GALNT1: variants seen among roughly 807,000 people sequenced by gnomAD.
GALNT1 encodes GalNAc transferase 1.
Under a neutral mutation model 65.7 loss-of-function variants are expected in GALNT1, and 17 were observed. The ratio of observed to expected loss-of-function variants is 0.26; its 90% CI spans 0.18 to 0.39. GALNT1 has a LOEUF of 0.39. Ranked by LOEUF, GALNT1 falls within the 10% of genes least tolerant of loss-of-function variation. GALNT1 has a pLI of 1.00. For missense variants in GALNT1, 460 were observed against 672.8 expected (o/e 0.68, Z 3.50); for synonymous variants, 210 against 219.7 (o/e 0.96, Z 0.39).
chr18:35,620,764 G>T (rs181616686), intron 1 of GALNT1, among the ~76,000 whole-genome samples: 1 of 148,626 alleles, frequency 6.7e-6, no homozygotes, highest in East Asian at 2.0e-4. Flanking sequence ...TAGTTCATGT[G>T]TACATTTAGG....
intron 1 of GALNT1, among the ~76,000 whole-genome samples, chr18:35,646,823 G>T (rs954613053): frequency 2.6e-5 from 4 of 152,158 alleles, no homozygotes; most frequent in East Asian, 3.8e-4. Flanking sequence ...TCTCCTTTGA[G>T]CCCTGTGTAT....
intron 1 of GALNT1, among the ~76,000 whole-genome samples, chr18:35,610,929 T>C (rs2046708513): frequency 6.6e-6 from 1 of 152,138 alleles, no homozygotes; most frequent in South Asian, 2.1e-4. Flanking sequence ...ATGTAGCCTC[T>C]GGACCTCAGC....
At chr18:35,700,080 T>TAGTC (rs754516206) in intron 9 of GALNT1, among the ~76,000 whole-genome samples, 14 of 152,138 alleles carry the variant, frequency 9.2e-5, no homozygotes, top group Non-Finnish European at 1.3e-4. Flanking sequence ...ACTTACCCCA[T>TAGTC]AGTCAACCTA....
chr18:35,665,459 A>C (rs2047536424), intron 3 of GALNT1, among the ~76,000 whole-genome samples: 1 of 152,164 alleles, frequency 6.6e-6, no homozygotes, highest in South Asian at 2.1e-4. Context: ...TTATCCACAA[A>C]ATTTTCCATA....
intron 1 of GALNT1, among the ~76,000 whole-genome samples, chr18:35,623,299 T>C (rs745430618): frequency 9.9e-5 from 15 of 152,170 alleles, no homozygotes; most frequent in Non-Finnish European, 4.4e-5. Flanking sequence ...TCCTTTTTTT[T>C]TCCCCTGTAC....
At chr18:35,701,453 C>T (rs2048162460) in intron 9 of GALNT1, among the ~76,000 whole-genome samples, 1 of 152,242 alleles carries the variant, frequency 6.6e-6, no homozygotes, top group East Asian at 1.9e-4. Context: ...GGAAGGTGTG[C>T]TTTATGCAAA....
intron 1 of GALNT1, among the ~76,000 whole-genome samples, chr18:35,632,861 A>AG (rs1424330227): frequency 6.6e-6 from 1 of 152,116 alleles, no homozygotes; most frequent in African/African-American, 2.4e-5. Flanking sequence ...CAAGAAAAAA[A>AG]CAAACCCATC....
At chr18:35,699,645 C>T (rs2048122626) in intron 9 of GALNT1, among the ~76,000 whole-genome samples, 1 of 152,344 alleles carries the variant, frequency 6.6e-6, no homozygotes, top group African/African-American at 2.4e-5. Context: ...TACCCCTTAT[C>T]AGAAGGTTCT....
At chr18:35,709,177 T>G (rs1175962552) in intron 11 of GALNT1, among the ~76,000 whole-genome samples, 1 of 152,224 alleles carries the variant, frequency 6.6e-6, no homozygotes, top group Non-Finnish European at 1.5e-5. Context: ...AGCCTTATCA[T>G]AGAGAAATGA....
intron 1 of GALNT1, among the ~76,000 whole-genome samples, chr18:35,591,195 T>A (rs1469746594): frequency 6.6e-6 from 1 of 152,180 alleles, no homozygotes; most frequent in Admixed American, 6.5e-5. Context: ...TACATACTCC[T>A]GGAGAGAAAG....
At chr18:35,651,543 A>G (rs1249199660) in intron 1 of GALNT1, among the ~76,000 whole-genome samples, 3 of 152,178 alleles carry the variant, frequency 2.0e-5, no homozygotes, top group African/African-American at 7.2e-5. Context: ...AGTCTCTTAA[A>G]GGACTGAAAT....
Position 35,710,330 on chromosome 18 carries a change from A to G in GALNT1, c.*560A>G, listed in dbSNP as rs960322168. The G allele has an allele frequency of 6.5e-6, 1 of 152,812 alleles. No homozygotes were observed. Among genetic ancestry groups the G allele is most frequent in the African/African-American group, 2.4e-5 (1 of 41,460 alleles). 9.5% of individuals were successfully genotyped at this position (152,812 alleles called of 1,614,324 possible). A position where few individuals can be genotyped will look rare whatever the true frequency, so the allele number is the denominator to read the frequency against. ...TTAAAACAGAACTATGAGAAGTACA[A>G]TTTGTTATAGTATAGTATCAAATTT... On this transcript the variant is annotated 3_prime_UTR_variant, in exon 12 of 12. Coordinates refer to ENST00000269195, the MANE Select transcript of GALNT1 (RefSeq NM_020474.4).
intron 2 of GALNT1, among the ~76,000 whole-genome samples, chr18:35,661,597 T>G (rs1363237442): frequency 6.6e-6 from 1 of 152,032 alleles, no homozygotes; most frequent in Non-Finnish European, 1.5e-5. Context: ...CATGGATACC[T>G]CTTTCTCTTT....
chr18:35,617,085 T>C (rs1182940808), intron 1 of GALNT1, among the ~76,000 whole-genome samples: 1 of 152,054 alleles, frequency 6.6e-6, no homozygotes, highest in African/African-American at 2.4e-5. Context: ...AAGCGGCGCA[T>C]TGCAGGCATT....
chr18:35,662,409 T>C (rs771655540), intron 2 of GALNT1, among the ~76,000 whole-genome samples: 118 of 152,238 alleles, frequency 7.8e-4, no homozygotes, highest in Non-Finnish European at 5.6e-4. Flanking sequence ...ATCATCATTT[T>C]CTGAAATCTA....
intron 3 of GALNT1, among the ~76,000 whole-genome samples, chr18:35,676,835 G>A (rs2047718204): frequency 6.6e-6 from 1 of 152,204 alleles, no homozygotes; most frequent in Non-Finnish European, 1.5e-5. Context: ...TAACAAGGTT[G>A]AAAGAAGAGA....
chr18:35,675,247 G>T (rs924429687), intron 3 of GALNT1, among the ~76,000 whole-genome samples: 1 of 152,130 alleles, frequency 6.6e-6, no homozygotes, highest in East Asian at 1.9e-4. Context: ...GGCTCTTCCA[G>T]GTTAGGGGTG....
At chr18:35,628,592 G>GT (rs2046954635) in intron 1 of GALNT1, among the ~76,000 whole-genome samples, 2 of 152,090 alleles carry the variant, frequency 1.3e-5, no homozygotes, top group Non-Finnish European at 2.9e-5. Flanking sequence ...AAGACCAAAG[G>GT]TAGATAAAAC....
chr18:35,684,512 G>T (rs1360713239), intron 5 of GALNT1, among the ~76,000 whole-genome samples: 1 of 152,122 alleles, frequency 6.6e-6, no homozygotes, highest in East Asian at 1.9e-4. Flanking sequence ...GGGAATATTT[G>T]CTCGCCTGAA....
Sources: allele counts gnomAD v4.1 joint callset (sites outside exome capture counted in the v4.1 genomes callset), GRCh38; gene constraint gnomAD v4.1.1; transcripts MANE v1.5; gene names NCBI Gene and HGNC (gene_info 2026-07-23, HGNC 2026-07-21).